Variants in PCDHA9 observed in about 807,000 individuals in gnomAD.
PCDHA9 encodes protocadherin alpha-9.
In PCDHA9, 62 loss-of-function variants were observed where a neutral mutation model predicts 62.0. The ratio of observed to expected loss-of-function variants is 1.00; its 90% CI spans 0.81 to 1.23. The LOEUF (loss-of-function observed/expected upper bound fraction) is 1.23, where lower values mean the gene tolerates loss of function less well. Ranked by LOEUF, PCDHA9 falls within the 50% of genes most tolerant of loss-of-function variation. The pLI, the probability that PCDHA9 is intolerant of heterozygous loss-of-function variation, is 0.00. For missense variants in PCDHA9, 1,205 were observed against 1,249.8 expected, an observed-to-expected ratio of 0.96 and a Z score of 0.54; for synonymous variants, 557 against 567.6, an observed-to-expected ratio of 0.98 and a Z score of 0.27.
At chr5:140,998,645 A>T (rs1020510258) in intron 3 of PCDHA9, among the ~76,000 whole-genome samples, 12 of 151,600 alleles carry the variant, frequency 7.9e-5, no homozygotes, top group Non-Finnish European at 1.6e-4. Context: ...GCTCACTGCA[A>T]CCTCTGCCTC....
chr5:140,928,401 C>T, intron 1 of PCDHA9: 1 of 1,614,028 alleles, frequency 6.2e-7, no homozygotes, highest in Non-Finnish European at 8.5e-7. Flanking sequence ...TGGAATCATC[C>T]AGTGGGGCCA....
chr5:140,939,054 G>C (rs1304220594), intron 1 of PCDHA9, among the ~76,000 whole-genome samples: 1 of 152,112 alleles, frequency 6.6e-6, no homozygotes, highest in East Asian at 1.9e-4. Flanking sequence ...GTCCATTTGG[G>C]CTGCTATATC....
chr5:140,929,613 C>A, intron 1 of PCDHA9: 6 of 406,162 alleles, frequency 1.5e-5, no homozygotes, highest in Non-Finnish European at 2.7e-5. Flanking sequence ...AATAAAATAC[C>A]AAAATATTTT....
At chr5:140,878,586 C>T (rs1020008029) in intron 1 of PCDHA9, among the ~76,000 whole-genome samples, 9 of 152,164 alleles carry the variant, frequency 5.9e-5, no homozygotes, top group Non-Finnish European at 1.3e-4. Context: ...TGCCCTGTGC[C>T]TATTACCAAG....
chr5:140,927,209 A>G, intron 1 of PCDHA9: 2 of 1,614,092 alleles, frequency 1.2e-6, no homozygotes, highest in Non-Finnish European at 1.7e-6. Context: ...GACCCGCTGG[A>G]GCTGCACAAG....
chr5:140,873,275 T>C (rs1335407966), intron 1 of PCDHA9, among the ~76,000 whole-genome samples: 1 of 152,220 alleles, frequency 6.6e-6, no homozygotes, highest in Non-Finnish European at 1.5e-5. Context: ...TAAACCATCA[T>C]ACCACTTATG....
rs2150469208 is a variant in PCDHA9 at position 140,850,132 on chromosome 5, G to A, written c.1637G>A (p.Gly546Asp). Residue 546 changes from glycine (G) to aspartate (D), a missense_variant, in exon 1 of 4, where the codon GGC (glycine) becomes GAC (aspartate). By Grantham distance (94) the Gly-to-Asp change is moderately conservative. Coordinates refer to ENST00000532602, the MANE Select transcript of PCDHA9 (RefSeq NM_031857.2). Reference protein sequence around the residue: ...SARDAGVPPLGSNVTLQVFVL... With the variant: ...SARDAGVPPLDSNVTLQVFVL... Reference sequence around the variant, plus strand: ...CGCGACGCGGGCGTGCCGCCTCTGGGCAGCAACGTGACGCTGCAGGTGTTC... The same window carrying A: ...CGCGACGCGGGCGTGCCGCCTCTGGACAGCAACGTGACGCTGCAGGTGTTC... 1 of 1,595,756 alleles carries A rather than the reference G, an allele frequency of 6.3e-7. No individual in the cohort carries two copies. Among genetic ancestry groups the A allele is most frequent in the East Asian group, 2.2e-5 (1 of 44,840 alleles).
chr5:140,877,256 G>C lies in PCDHA9; in HGVS notation c.2394+26367G>C, dbSNP rs782364296. 2.5e-6 allele frequency: 4 copies of C among 1,613,628 alleles called. No homozygotes were observed. In the African/African-American group the frequency reaches 5.3e-5, roughly 22 times the overall value. On this transcript the variant is annotated intron_variant, in intron 1 of 3. Transcript: ENST00000532602. Reference sequence around the variant, plus strand: ...GCGGGCCACGTGGTGGCGAAAGTGCGCGCGGTGGACGCTGACTCCGGCTAT... The same window carrying C: ...GCGGGCCACGTGGTGGCGAAAGTGCCCGCGGTGGACGCTGACTCCGGCTAT...
intron 1 of PCDHA9, among the ~76,000 whole-genome samples, chr5:140,955,016 T>C (rs1389069329): frequency 6.6e-6 from 1 of 152,226 alleles, no homozygotes; most frequent in Admixed American, 6.5e-5. Context: ...CCCAGCACCA[T>C]TTATTAAATA....
In PCDHA9 at chr5:140,848,923, C is replaced by G. The variant is rs1554142574; in HGVS notation, c.428C>G (p.Ala143Gly). ...FPATQKNLFIAESRPLDSRFP... is the reference protein window; with the variant it reads ...FPATQKNLFIGESRPLDSRFP... ...GCGACACAAAAGAATCTGTTCATCG[C>G]GGAATCCAGGCCGCTTGACTCTCGG... is the stretch of plus-strand genomic sequence containing the variant. The change falls in exon 1 of 4, where the codon GCG (alanine) becomes GGG (glycine). Residue 143 changes from alanine (A) to glycine (G), a missense_variant. Transcript: ENST00000532602. The G allele has an allele frequency of 6.2e-7, 1 of 1,607,740 alleles. No individual in the cohort carries two copies. The highest frequency in any genetic ancestry group is 1.7e-4 in the Middle Eastern group (1 of 6,036).
intron 3 of PCDHA9, among the ~76,000 whole-genome samples, chr5:141,000,278 G>A (rs574420053): frequency 6.6e-6 from 1 of 151,194 alleles, no homozygotes; most frequent in South Asian, 2.1e-4. Flanking sequence ...GGGAGGCAGA[G>A]GTGGGAATAT....
intron 1 of PCDHA9, among the ~76,000 whole-genome samples, chr5:140,965,342 G>T (rs2095891598): frequency 6.6e-6 from 1 of 152,130 alleles, no homozygotes; most frequent in South Asian, 2.1e-4. Context: ...TTGTCTCTGT[G>T]TTGCCTCTAT....
chr5:140,975,503 CT>C (rs1189456467), intron 1 of PCDHA9, among the ~76,000 whole-genome samples: 3 of 152,178 alleles, frequency 2.0e-5, no homozygotes, highest in Non-Finnish European at 4.4e-5. Flanking sequence ...TAAAATAGCA[CT>C]ATGCAAAATC....
intron 1 of PCDHA9, among the ~76,000 whole-genome samples, chr5:140,943,500 G>T (rs907493905): frequency 6.6e-6 from 1 of 152,048 alleles, no homozygotes; most frequent in Non-Finnish European, 1.5e-5. Flanking sequence ...TGCTATCAAG[G>T]TTCATGGAAA....
rs2150413954 is a variant in PCDHA9 at position 140,848,598 on chromosome 5, G to T, written c.103G>T (p.Val35Phe). 2 of 1,593,946 alleles carry T rather than the reference G, an allele frequency of 1.3e-6. No homozygotes were observed. The highest frequency in any genetic ancestry group is 1.3e-5 in the African/African-American group (1 of 74,474). ...GGGGAGCGGCCAGCTCCACTACTCC[G>T]TCCCGGAGGAAGCCGAACACGGCAC... ...VVGSGQLHYS[V>F]PEEAEHGTFV... is the part of the protein sequence containing the mutation. The change falls in exon 1 of 4, where the codon GTC (valine) becomes TTC (phenylalanine). Residue 35 changes from valine (V) to phenylalanine (F), a missense_variant. Coordinates refer to ENST00000532602, the MANE Select transcript of PCDHA9 (RefSeq NM_031857.2).
chr5:140,939,388 A>C, intron 1 of PCDHA9, among the ~76,000 whole-genome samples: 1 of 152,232 alleles, frequency 6.6e-6, no homozygotes, highest in East Asian at 1.9e-4. Context: ...CATTCAGATC[A>C]TAGCAAGTTT....
chr5:140,918,503 C>G (rs2078725431), intron 1 of PCDHA9, among the ~76,000 whole-genome samples: 1 of 152,056 alleles, frequency 6.6e-6, no homozygotes, highest in Non-Finnish European at 1.5e-5. Flanking sequence ...GGTACCAATC[C>G]TTTTAAACTT....
At position 140,877,459 on chromosome 5, in the gene PCDHA9, G is replaced by A. The variant is rs782125799; in HGVS notation, c.2394+26570G>A. ...CGGTGAGCCCGCGCTGACGTCCACGGCCACGGTGCTGGTGTCGCTGGTGGA... is the reference window on the plus strand; with the variant it reads ...CGGTGAGCCCGCGCTGACGTCCACGACCACGGTGCTGGTGTCGCTGGTGGA... On this transcript the variant is annotated intron_variant, in intron 1 of 3. Coordinates refer to ENST00000532602, the MANE Select transcript of PCDHA9 (RefSeq NM_031857.2). 98 of 1,613,712 alleles carry A rather than the reference G, an allele frequency of 6.1e-5. No individual in the cohort carries two copies. The East Asian group carries it at 2.1e-3, about 35-fold the overall frequency.
chr5:140,970,373 C>T (rs1554232421), intron 1 of PCDHA9, among the ~76,000 whole-genome samples: 2 of 152,250 alleles, frequency 1.3e-5, no homozygotes, highest in East Asian at 1.9e-4. Context: ...GCTATAGCTT[C>T]AAAAGGCTGG....
Sources: allele counts gnomAD v4.1 joint callset (sites outside exome capture counted in the v4.1 genomes callset), GRCh38; gene constraint gnomAD v4.1.1; transcripts MANE v1.5; gene names NCBI Gene and HGNC (gene_info 2026-07-23, HGNC 2026-07-21).